The following SYNE1 variants were observed in gnomAD, a reference collection of about 807,000 sequenced individuals.
SYNE1 encodes the protein nesprin-1.
SYNE1 carries 616 observed loss-of-function variants against 1,111.0 expected under a neutral mutation model. The ratio of observed to expected loss-of-function variants is 0.55; its 90% CI spans 0.52 to 0.59. The LOEUF (loss-of-function observed/expected upper bound fraction) is 0.59. Ranked by LOEUF, SYNE1 falls within the 20% of genes least tolerant of loss-of-function variation. The probability of loss-of-function intolerance (pLI) is 0.00; values close to 1 mark genes in which losing one functional copy is unlikely to be tolerated. For synonymous variants in SYNE1, 3,855 were observed against 3,825.8 expected (o/e 1.01, Z -0.28); for missense variants, 10,006 against 10,417.0 (o/e 0.96, Z 1.72).
rs373926267 is a variant in SYNE1 at position 152,306,885 on chromosome 6, T to C, written c.17346+1604A>G. ...TGCCACTGCACTCTAGCTTGGATGA[T>C]ACAGCAAGACTGTGTCTCAAAAAAA... On this transcript the variant is annotated intron_variant, in intron 91 of 145. Transcript: ENST00000367255. Among the ~76,000 whole-genome samples the C allele has an allele frequency of 2.1e-3, 254 of 120,210 alleles. 1 individual carries two copies. The highest frequency in any genetic ancestry group is 9.6e-3 in the Middle Eastern group (1 of 104). The allele number at this position is 120,210 out of a possible 152,430, so 78.9% of individuals were successfully genotyped here.
intron 127 of SYNE1, among the ~76,000 whole-genome samples, chr6:152,194,235 CTA>C (rs1463419986): frequency 7.5e-6 from 1 of 133,004 alleles, no homozygotes; most frequent in African/African-American, 3.0e-5. Flanking sequence ...TTGAAAAAGT[CTA>C]TTTTTCCTTC....
At chr6:152,520,934 C>T (rs1375440569) in intron 5 of SYNE1, among the ~76,000 whole-genome samples, 1 of 152,072 alleles carries the variant, frequency 6.6e-6, no homozygotes. Flanking sequence ...AACCTGCAAC[C>T]TAAAACAAAG....
intron 120 of SYNE1, 150 bp from the exon 121 acceptor site, chr6:152,218,553 G>A: frequency 1.1e-6 from 1 of 888,110 alleles, no homozygotes; most frequent in South Asian, 1.6e-5. Context: ...TATAAAAAAA[G>A]CTATAACAAT....
At chr6:152,449,085 T>C (rs955068194) in intron 28 of SYNE1, among the ~76,000 whole-genome samples, 13 of 152,180 alleles carry the variant, frequency 8.5e-5, no homozygotes, top group African/African-American at 3.1e-4. Context: ...CCCACACTGA[T>C]AGAGGCTGAA....
intron 25 of SYNE1, 25 bp from the exon 26 acceptor site, chr6:152,451,230 A>G: frequency 6.2e-7 from 1 of 1,613,042 alleles, no homozygotes; most frequent in East Asian, 2.2e-5. Context: ...AAGATTCAGA[A>G]AATTAGGATG....
At chr6:152,518,662 G>C (rs1016888319) in intron 6 of SYNE1, among the ~76,000 whole-genome samples, 1 of 151,992 alleles carries the variant, frequency 6.6e-6, no homozygotes, top group African/African-American at 2.4e-5. Flanking sequence ...CACTAGGGTT[G>C]AAAAAATAAG....
intron 3 of SYNE1, among the ~76,000 whole-genome samples, chr6:152,548,904 A>G (rs1363746861): frequency 6.6e-6 from 1 of 152,222 alleles, no homozygotes; most frequent in African/African-American, 2.4e-5. Flanking sequence ...ATCTGATTCT[A>G]GGCCTTAAGA....
In SYNE1 at chr6:152,143,956, G is replaced by T. The variant is rs559519990; in HGVS notation, c.24977-191C>A. The T allele has an allele frequency of 2.1e-5, 15 of 729,792 alleles. No homozygotes were observed. In the South Asian group the frequency reaches 2.5e-4, roughly 12 times the overall value. The allele number at this position is 729,792 out of a possible 1,614,324, so 45.2% of individuals were successfully genotyped here. ...CATTAAAATGGCCAAACCAATGAAGGTGCTTGACTGAGAGCCCTAGCAGAT... is the reference window on the plus strand; with the variant it reads ...CATTAAAATGGCCAAACCAATGAAGTTGCTTGACTGAGAGCCCTAGCAGAT... On this transcript the variant is annotated intron_variant, in intron 137 of 145. Transcript: ENST00000367255.
rs2096253432 is a variant in SYNE1 at position 152,331,823 on chromosome 6, T to C, written c.12862A>G (p.Arg4288Gly). The change falls in exon 78 of 146, where the codon AGA (arginine) becomes GGA (glycine). Residue 4288 changes from arginine to glycine, a missense_variant. By Grantham distance (125) the Arg-to-Gly change is moderately radical. Around this residue, in one of 7 missense-constraint regions of SYNE1, gnomAD observed 4,955 missense variants for 5,017.2 expected, o/e 0.99. Coordinates refer to ENST00000367255, the MANE Select transcript of SYNE1 (RefSeq NM_182961.4). ...LKKLALALQE[R>G]KYAIEDLKDQ... ...TTCAGATCTTCAATAGCATACTTTC[T>C]CTCCTGCAATGCCAATGCTAACTTT... 6.2e-7 allele frequency: 1 copy of C among 1,613,940 alleles called. No individual in the cohort carries two copies. Among genetic ancestry groups the C allele is most frequent in the Non-Finnish European group, 8.5e-7 (1 of 1,180,046 alleles).
intron 145 of SYNE1, chr6:152,128,170 TAAGTCAAACGTAGGGAAA>T (rs2152631975): frequency 6.6e-6 from 1 of 152,342 alleles, no homozygotes; most frequent in South Asian, 2.1e-4. Flanking sequence ...TAGAAAATTT[TAAGTCAAACGTAGGGAAA>T]AAGTACCAGC....
chr6:152,225,794 T>G lies in SYNE1; in HGVS notation c.21278A>C (p.Lys7093Thr). 6.2e-7 allele frequency: 1 copy of G among 1,614,136 alleles called. No individual in the cohort carries two copies. ...CATGACAATGCTAGAGACGTCTTCT[T>G]TCTTGTTCTGAATCAAAGCAAGTCC... is the stretch of plus-strand genomic sequence containing the variant. Reference protein sequence around the residue: ...QNGLALIQNKKEDVSSIVMST... With the variant: ...QNGLALIQNKTEDVSSIVMST... The change falls in exon 116 of 146, where the codon AAA becomes ACA. Residue 7093 changes from lysine (K) to threonine (T), a missense_variant. Physicochemically the swap from Lys to Thr is moderately conservative, Grantham distance 78. Coordinates refer to ENST00000367255, the MANE Select transcript of SYNE1 (RefSeq NM_182961.4).
At chr6:152,186,652 T>A (rs886651305) in intron 128 of SYNE1, among the ~76,000 whole-genome samples, 5 of 136,302 alleles carry the variant, frequency 3.7e-5, no homozygotes, top group African/African-American at 1.4e-4. Context: ...AGTGGCATAA[T>A]CCAGGTCTTT....
chr6:152,375,439 T>C (rs1356439749), intron 58 of SYNE1, among the ~76,000 whole-genome samples: 1 of 152,194 alleles, frequency 6.6e-6, no homozygotes, highest in Non-Finnish European at 1.5e-5. Context: ...AACTCAAATT[T>C]CATAACCAAT....
chr6:152,318,006 TA>T (rs2095777426), intron 86 of SYNE1, 74 bp downstream of exon 86: 1 of 1,571,904 alleles, frequency 6.4e-7, no homozygotes, highest in African/African-American at 1.4e-5. Flanking sequence ...TATGTTAATT[TA>T]TTTTCAAAAG....
In SYNE1 at chr6:152,301,856, AC is replaced by A; in HGVS notation, c.17541+12del. 6.2e-7 allele frequency: 1 copy of A among 1,605,658 alleles called. No homozygotes were observed. The highest frequency in any genetic ancestry group is 1.7e-5 in the Admixed American group (1 of 59,518). On this transcript the variant is annotated intron_variant, in intron 92 of 145. Transcript: ENST00000367255. Reference sequence around the variant, plus strand: ...TCAAAGAGCAAAGCCGCGGGGACCCACTGGATCCTTACCATGACCACAGAGG... The same window carrying A: ...TCAAAGAGCAAAGCCGCGGGGACCCATGGATCCTTACCATGACCACAGAGG...
intron 34 of SYNE1, among the ~76,000 whole-genome samples, chr6:152,433,250 G>A (rs981732106): frequency 6.6e-6 from 1 of 152,088 alleles, no homozygotes; most frequent in Non-Finnish European, 1.5e-5. Context: ...TATCCACCTG[G>A]TCATTTTAGA....
chr6:152,249,250 C>A lies in SYNE1; in HGVS notation c.19483G>T (p.Val6495Leu). Residue 6495 changes from valine (V) to leucine (L), a missense_variant, in exon 105 of 146, where the codon GTG becomes TTG. Val to Leu is a conservative substitution (Grantham distance 32). Around this residue, in one of 7 missense-constraint regions of SYNE1, gnomAD observed 2,182 missense variants for 2,287.8 expected, o/e 0.95. Transcript: ENST00000367255. ...TTGTCAGCCAGTGATGTAAACAGCA[C>A]TTTCAGATCATTCTAAGGAGGAAAG... ...QILNFQNDLK[V>L]LFTSLADNKY... 1 of 1,610,640 alleles carries A rather than the reference C, an allele frequency of 6.2e-7. No homozygotes were observed. Among genetic ancestry groups the A allele is most frequent in the Non-Finnish European group, 8.5e-7 (1 of 1,176,888 alleles).
At chr6:152,568,235 A>T (rs974321371) in intron 3 of SYNE1, among the ~76,000 whole-genome samples, 1 of 150,756 alleles carries the variant, frequency 6.6e-6, no homozygotes. Context: ...GGCAAAGAGT[A>T]TAGTGGGAAA....
At chr6:152,497,780 A>G (rs2099007570) in intron 11 of SYNE1, among the ~76,000 whole-genome samples, 1 of 152,180 alleles carries the variant, frequency 6.6e-6, no homozygotes, top group Admixed American at 6.5e-5. Context: ...TGAAGTACAA[A>G]ACAATATTTA....
Sources: allele counts gnomAD v4.1 joint callset (sites outside exome capture counted in the v4.1 genomes callset), GRCh38; gene constraint gnomAD v4.1.1; regional missense constraint gnomAD v4.1.1; transcripts MANE v1.5; gene names NCBI Gene and HGNC (gene_info 2026-07-23, HGNC 2026-07-21).